The following CFAP47 variants were observed in gnomAD, a reference collection of about 807,000 sequenced individuals.
CFAP47 encodes the protein cilia- and flagella-associated protein 47.
A neutral mutation model predicts 148.1 loss-of-function variants in CFAP47; 29 were observed. That is an observed-to-expected ratio of 0.20 (90% CI 0.15 to 0.27). The LOEUF (loss-of-function observed/expected upper bound fraction) is 0.27. Ranked by LOEUF, CFAP47 falls within the 10% of genes least tolerant of loss-of-function variation. The pLI, the probability that CFAP47 is intolerant of heterozygous loss-of-function variation, is 1.00. For missense variants in CFAP47, 1,872 were observed against 1,697.5 expected (o/e 1.10, Z -1.81); for synonymous variants, 664 against 577.3 (o/e 1.15, Z -2.15).
At chrX:36,145,825 A>G (rs1180176486) in intron 36 of CFAP47, among the ~76,000 whole-genome samples, 1 of 109,632 alleles carries the variant, frequency 9.1e-6, no homozygotes, top group Non-Finnish European at 1.9e-5. Flanking sequence ...AAATAACTGT[A>G]GCCTCCATGA....
At chrX:35,980,642 G>T (rs1936630157) in intron 15 of CFAP47, among the ~76,000 whole-genome samples, 1 of 110,413 alleles carries the variant, frequency 9.1e-6, no homozygotes, top group Admixed American at 9.7e-5. Flanking sequence ...TTATGCATTT[G>T]TTATGTCATC....
At chrX:36,271,596 T>C (rs913764852) in intron 49 of CFAP47, among the ~76,000 whole-genome samples, 8 of 111,797 alleles carry the variant, frequency 7.2e-5, no homozygotes, top group Non-Finnish European at 1.5e-4. Context: ...AAAATGCATA[T>C]TATGAAAAAA....
At position 36,179,330 on chromosome X, in the gene CFAP47, C is replaced by A; in HGVS notation, c.6027-15C>A. On this transcript the variant is annotated splice_polypyrimidine_tract_variant and intron_variant, in intron 39 of 63. Coordinates refer to ENST00000378653, the MANE Select transcript of CFAP47 (RefSeq NM_001304548.2). Reference sequence around the variant, plus strand: ...TGCAATCAATTAAAAATAATTATTTCTTCATTTATTCCAGTGTCATTTTGG... The same window carrying A: ...TGCAATCAATTAAAAATAATTATTTATTCATTTATTCCAGTGTCATTTTGG... 2 of 295,704 alleles carry A rather than the reference C, an allele frequency of 6.8e-6. No individual in the cohort carries two copies. The highest frequency in any genetic ancestry group is 1.2e-5 in the Non-Finnish European group (2 of 169,065). 24.4% of individuals were successfully genotyped at this position (295,704 alleles called of 1,213,427 possible).
At chrX:36,283,562 C>T (rs1941101764) in intron 50 of CFAP47, among the ~76,000 whole-genome samples, 1 of 111,759 alleles carries the variant, frequency 8.9e-6, no homozygotes, top group Admixed American at 9.5e-5. Context: ...ACATTTGAAT[C>T]CATGGACTCT....
chrX:36,244,934 G>T (rs782565577), intron 48 of CFAP47, among the ~76,000 whole-genome samples: 1 of 111,170 alleles, frequency 9.0e-6, no homozygotes, highest in Non-Finnish European at 1.9e-5. Flanking sequence ...CGATATCCCT[G>T]ATGAAAGTAC....
At chrX:36,010,141 AT>A (rs1194132948) in intron 21 of CFAP47, among the ~76,000 whole-genome samples, 3 of 111,711 alleles carry the variant, frequency 2.7e-5, no homozygotes, top group Non-Finnish European at 5.6e-5. Flanking sequence ...TTTATTTTAA[AT>A]TATCTGTAAT....
At chrX:36,379,580 A>C in intron 63 of CFAP47, 62 bp downstream of exon 63, 1 of 917,950 alleles carries the variant, frequency 1.1e-6, no homozygotes, top group Non-Finnish European at 1.5e-6. Context: ...TAAATAAACT[A>C]GCAAGAAAAG....
At chrX:35,989,500 T>A in intron 16 of CFAP47, 51 bp downstream of exon 16, 3 of 1,210,755 alleles carry the variant, frequency 2.5e-6, no homozygotes, top group Non-Finnish European at 2.2e-6. Context: ...ATGAATTTGT[T>A]GGGTATACAC....
intron 51 of CFAP47, among the ~76,000 whole-genome samples, chrX:36,298,482 C>T (rs1490134512): frequency 7.5e-5 from 8 of 106,668 alleles, no homozygotes; most frequent in East Asian, 3.1e-4. Flanking sequence ...GTGGGTGCAG[C>T]GCACCAGCGT....
chrX:36,337,218 A>G (rs1325570077), intron 57 of CFAP47, among the ~76,000 whole-genome samples: 16 of 112,581 alleles, frequency 1.4e-4, no homozygotes. Flanking sequence ...TTATACCACC[A>G]GAATATTTCT....
At chrX:36,164,763 C>T (rs191527607) in intron 39 of CFAP47, among the ~76,000 whole-genome samples, 13 of 111,105 alleles carry the variant, frequency 1.2e-4, no homozygotes, top group Non-Finnish European at 1.5e-4. Flanking sequence ...CTCTTGTGTC[C>T]CTTTGGTTTT....
chrX:35,961,304 T>G (rs1158303801), intron 8 of CFAP47, among the ~76,000 whole-genome samples: 1 of 111,761 alleles, frequency 8.9e-6, no homozygotes. Context: ...AAAATGTTTT[T>G]GATTTTGGCA....
intron 2 of CFAP47, among the ~76,000 whole-genome samples, chrX:35,928,520 G>A (rs1245949588): frequency 9.0e-6 from 1 of 111,346 alleles, no homozygotes; most frequent in African/African-American, 3.3e-5. Flanking sequence ...TTATTATTGA[G>A]TTTTGCAATT....
chrX:36,176,002 G>A (rs1437255600), intron 39 of CFAP47, among the ~76,000 whole-genome samples: 2 of 111,880 alleles, frequency 1.8e-5, no homozygotes, highest in Non-Finnish European at 3.8e-5. Context: ...TAATCTCCTG[G>A]CGCGCCCTTT....
At chrX:36,286,265 G>T (rs782271655) in intron 51 of CFAP47, among the ~76,000 whole-genome samples, 33 of 110,583 alleles carry the variant, frequency 3.0e-4, no homozygotes, top group Non-Finnish European at 6.3e-4. Context: ...GGACAATATT[G>T]CTATTAACAA....
At chrX:35,958,989 G>T (rs566002219) in intron 8 of CFAP47, among the ~76,000 whole-genome samples, 2 of 111,598 alleles carry the variant, frequency 1.8e-5, no homozygotes, top group African/African-American at 3.3e-5. Context: ...AGGGGGTGGG[G>T]TGCATAAGTT....
chrX:36,103,571 G>T (rs764637337), intron 32 of CFAP47, among the ~76,000 whole-genome samples: 85 of 92,368 alleles, frequency 9.2e-4, no homozygotes, highest in African/African-American at 3.5e-3. Context: ...CAATAAGCAA[G>T]CTTCAGAATG....
chrX:36,354,684 G>A (rs782713896), intron 60 of CFAP47, among the ~76,000 whole-genome samples: 5 of 109,977 alleles, frequency 4.5e-5, no homozygotes, highest in Non-Finnish European at 9.5e-5. Context: ...AATTCCCTTC[G>A]TAAGACAACA....
At chrX:36,298,449 A>G (rs1389683788) in intron 51 of CFAP47, among the ~76,000 whole-genome samples, 1 of 104,683 alleles carries the variant, frequency 9.6e-6, no homozygotes, top group African/African-American at 3.5e-5. Flanking sequence ...TGGGAAATAT[A>G]CCTAATGCTA....
Sources: gnomAD v4.1 joint callset for allele counts (sites outside exome capture counted in the v4.1 genomes callset) on GRCh38, gnomAD v4.1.1 for gene constraint, MANE v1.5 for transcripts, NCBI Gene and HGNC (gene_info 2026-07-23, HGNC 2026-07-21) for gene names.